The following SLC4A1 variants were observed in gnomAD, a reference collection of about 807,000 sequenced individuals.
The protein encoded by SLC4A1 is solute carrier family 4 member 1 (Diego blood group), also known as band 3 anion transport protein.
In SLC4A1, 29 loss-of-function variants were observed where a neutral mutation model predicts 93.1. The ratio of observed to expected loss-of-function variants is 0.31; its 90% CI spans 0.23 to 0.42. The LOEUF (loss-of-function observed/expected upper bound fraction) is 0.42. Ranked by LOEUF, SLC4A1 falls within the 20% of genes least tolerant of loss-of-function variation. The pLI is 1.00. For missense variants in SLC4A1, 965 were observed against 1,190.1 expected (o/e 0.81, Z 2.78); for synonymous variants, 469 against 497.2 (o/e 0.94, Z 0.76).
chr17:44,252,966 C>T (rs750188726), intron 17 of SLC4A1, 152 bp downstream of exon 17: 27 of 886,510 alleles, frequency 3.0e-5, no homozygotes, highest in Non-Finnish European at 4.3e-5. Flanking sequence ...AGGATCCCCT[C>T]GTGTGAGTAG....
At position 44,259,950 on chromosome 17, in the gene SLC4A1, G is replaced by A. The variant is rs201023917; in HGVS notation, c.486-18C>T. On this transcript the variant is annotated intron_variant, in intron 6 of 19. Transcript: ENST00000262418. The stretch of plus-strand genomic sequence containing the variant: ...CAGCGTGGCTGCAGGACGTACAGGG[G>A]ACATGGGCTGAGTAAGCTGTTCAGG... 4.3e-4 allele frequency: 689 copies of A among 1,612,942 alleles called. 2 individuals carry two copies. Among genetic ancestry groups the A allele is most frequent in the Admixed American group, 1.7e-3 (103 of 60,008 alleles).
chr17:44,254,784 T>C lies in SLC4A1; in HGVS notation c.1891-122A>G, dbSNP rs1329979205. The C allele has an allele frequency of 7.9e-6, 6 of 758,172 alleles. No homozygotes were observed. In the East Asian group the frequency reaches 1.6e-4, roughly 20 times the overall value. The allele number at this position is 758,172 out of a possible 1,614,324, so 47.0% of individuals were successfully genotyped here. A position where few individuals can be genotyped will look rare whatever the true frequency, so the allele number is the denominator to read the frequency against. ...TTGGAGGCACTTGGGAACTTACTTATATTGAGCACTTGCTCTGTACCTAAT... is the reference window on the plus strand; with the variant it reads ...TTGGAGGCACTTGGGAACTTACTTACATTGAGCACTTGCTCTGTACCTAAT... On this transcript the variant is annotated intron_variant, in intron 15 of 19. Transcript: ENST00000262418.
intron 13 of SLC4A1, among the ~76,000 whole-genome samples, chr17:44,256,236 TG>T (rs56218668): frequency 0.14 from 21,730 of 152,042 alleles, 1,773 homozygotes; most frequent in African/African-American, 0.22. Context: ...TCAATTGACA[TG>T]GAAACAGAGG....
chr17:44,253,456 G>A, intron 16 of SLC4A1, 85 bp from the exon 17 acceptor site: 1 of 1,530,006 alleles, frequency 6.5e-7, no homozygotes, highest in South Asian at 1.2e-5. Context: ...TGGTGTCCTT[G>A]TAGCTCAGTT....
chr17:44,264,135 T>C (rs560383793), intron 1 of SLC4A1, among the ~76,000 whole-genome samples: 2 of 152,252 alleles, frequency 1.3e-5, no homozygotes, highest in South Asian at 4.1e-4. Flanking sequence ...CCAGAGTAGC[T>C]AGCACACACC....
intron 3 of SLC4A1, among the ~76,000 whole-genome samples, chr17:44,261,870 G>A (rs1000461619): frequency 2.0e-5 from 3 of 152,148 alleles, no homozygotes; most frequent in African/African-American, 7.2e-5. Context: ...GAGGACACCC[G>A]GGATTCAGCC....
Position 44,260,652 on chromosome 17 carries a change from C to G in SLC4A1, c.332G>C (p.Arg111Pro), listed in dbSNP as rs767615788. The change falls in exon 5 of 20, where the codon CGT becomes CCT. Residue 111 changes from arginine to proline, a missense_variant. Coordinates refer to ENST00000262418, the MANE Select transcript of SLC4A1 (RefSeq NM_000342.4). ...AGGCTCACCCTTGGTGAAGACTCTA[C>G]GCAGCTCTAGGAGGCTCCAGAAGGT... ...HLTFWSLLEL[R>P]RVFTKGTVLL... The G allele has an allele frequency of 1.1e-5, 18 of 1,614,168 alleles. No homozygotes were observed. In the South Asian group the frequency reaches 1.8e-4, roughly 16 times the overall value.
rs886052995 is a variant in SLC4A1, at chr17:44,251,341, G to A, written c.2482-9C>T. ...ATGCGCCAGGTCTTCACCTGCAGGC[G>A]GAGGCTGGGGTCAGTGCCTATCACA... On this transcript the variant is annotated splice_polypyrimidine_tract_variant and intron_variant, in intron 18 of 19. Coordinates refer to ENST00000262418, the MANE Select transcript of SLC4A1 (RefSeq NM_000342.4). 3.1e-6 allele frequency: 5 copies of A among 1,614,100 alleles called. No homozygotes were observed. Among genetic ancestry groups the A allele is most frequent in the East Asian group, 2.2e-5 (1 of 44,900 alleles).
In SLC4A1 at chr17:44,262,840, G is replaced by A; in HGVS notation, c.15+12C>T. ...CCAGGTGGGAGCACTGCTGATGCCA[G>A]GGAACACCCACCTGCAGCTCCTCCA... On this transcript the variant is annotated intron_variant, in intron 2 of 19. Transcript: ENST00000262418. 6.2e-7 allele frequency: 1 copy of A among 1,613,770 alleles called. No homozygotes were observed. The highest frequency in any genetic ancestry group is 1.3e-5 in the African/African-American group (1 of 75,044).
At chr17:44,266,312 T>G (rs1167337858) in intron 1 of SLC4A1, among the ~76,000 whole-genome samples, 1 of 152,214 alleles carries the variant, frequency 6.6e-6, no homozygotes, top group Admixed American at 6.5e-5. Flanking sequence ...TTCTCTGGAC[T>G]TGCCCATGCA....
chr17:44,250,786 C>T (rs900416075), intron 19 of SLC4A1, among the ~76,000 whole-genome samples: 5 of 152,190 alleles, frequency 3.3e-5, no homozygotes, highest in African/African-American at 1.2e-4. Context: ...GACCTTTTCA[C>T]CAAGGCGGCC....
chr17:44,257,015 G>T (rs1376001269), intron 13 of SLC4A1, among the ~76,000 whole-genome samples: 1 of 149,096 alleles, frequency 6.7e-6, no homozygotes, highest in East Asian at 2.0e-4. Flanking sequence ...TTTTTGAGAC[G>T]GATTCTTGCT....
At chr17:44,255,638 G>A (rs1255371041) in intron 14 of SLC4A1, 35 bp downstream of exon 14, 8 of 1,607,646 alleles carry the variant, frequency 5.0e-6, no homozygotes, top group African/African-American at 2.7e-5. Flanking sequence ...GGATAGGGCA[G>A]TGTTGGCAAG....
chr17:44,255,243 G>A lies in SLC4A1; in HGVS notation c.1854C>T (p.Val618=), dbSNP rs1459987052. ...TATCCTGAATGAAGAAATCCACCAG[G>A]ACCATGATCAGGATGGAGATGGGGA... ...FGVPISILIM[V]LVDFFIQDTY... is the part of the protein sequence containing the mutation. Residue 618 remains valine (V), a synonymous_variant, in exon 15 of 20, where the codon GTC becomes GTT. Transcript: ENST00000262418. 1.9e-6 allele frequency: 3 copies of A among 1,558,428 alleles called. No individual in the cohort carries two copies. The highest frequency in any genetic ancestry group is 2.6e-6 in the Non-Finnish European group (3 of 1,150,306).
intron 1 of SLC4A1, among the ~76,000 whole-genome samples, chr17:44,266,637 A>G (rs2047498083): frequency 6.6e-6 from 1 of 152,066 alleles, no homozygotes; most frequent in African/African-American, 2.4e-5. Flanking sequence ...TCAGTTGGAG[A>G]CTTACAGGGC....
At chr17:44,251,624 C>T in intron 17 of SLC4A1, 36 bp from the exon 18 acceptor site, 1 of 1,612,316 alleles carries the variant, frequency 6.2e-7, no homozygotes, top group East Asian at 2.2e-5. Context: ...CCCAGGTTGC[C>T]CGAGGCCTGG....
chr17:44,255,547 G>T, intron 14 of SLC4A1, 126 bp downstream of exon 14: 1 of 1,039,698 alleles, frequency 9.6e-7, no homozygotes, highest in Non-Finnish European at 1.5e-6. Flanking sequence ...GGCCAGGGGA[G>T]GTTGGAATTG....
At chr17:44,259,376 G>T (rs776249933) in intron 8 of SLC4A1, 32 bp from the exon 9 acceptor site, 1 of 1,612,260 alleles carries the variant, frequency 6.2e-7, no homozygotes, top group Non-Finnish European at 8.5e-7. Context: ...AGGCCAGGCC[G>T]AGGAGCCCAG....
intron 3 of SLC4A1, among the ~76,000 whole-genome samples, chr17:44,261,868 C>T (rs1175782012): frequency 6.6e-6 from 1 of 152,094 alleles, no homozygotes; most frequent in African/African-American, 2.4e-5. Context: ...TCGAGGACAC[C>T]CGGGATTCAG....
Sources: gnomAD v4.1 joint callset for allele counts (sites outside exome capture counted in the v4.1 genomes callset) on GRCh38, gnomAD v4.1.1 for gene constraint, MANE v1.5 for transcripts, NCBI Gene and HGNC (gene_info 2026-07-23, HGNC 2026-07-21) for gene names.